CPED1: variants seen among roughly 807,000 people sequenced by gnomAD.
CPED1 encodes the protein cadherin-like and PC-esterase domain-containing protein 1.
Under a neutral mutation model 128.2 loss-of-function variants are expected in CPED1, and 114 were observed. The observed-to-expected ratio is 0.89, with a 90% CI of 0.76 to 1.04. The LOEUF is 1.04. Among genes scored for constraint, CPED1 ranks in the 50% least tolerant of loss-of-function variants. The probability of loss-of-function intolerance (pLI) is 0.00; values close to 1 mark genes in which losing one functional copy is unlikely to be tolerated. For missense variants in CPED1, 1,211 were observed against 1,207.1 expected (o/e 1.00, Z -0.05); for synonymous variants, 462 against 426.7 (o/e 1.08, Z -1.02).
intron 16 of CPED1, among the ~76,000 whole-genome samples, chr7:121,192,535 C>T (rs1026701159): frequency 6.6e-6 from 1 of 152,082 alleles, no homozygotes; most frequent in Non-Finnish European, 1.5e-5. Flanking sequence ...GGACATCCCT[C>T]GAGTACCAGA....
At chr7:121,184,470 A>C (rs1398435241) in intron 16 of CPED1, among the ~76,000 whole-genome samples, 1 of 152,184 alleles carries the variant, frequency 6.6e-6, no homozygotes, top group Non-Finnish European at 1.5e-5. Context: ...ACCTATCAAA[A>C]GCCATGTAGT....
intron 5 of CPED1, among the ~76,000 whole-genome samples, chr7:121,079,020 CTG>C (rs1187929248): frequency 1.3e-5 from 2 of 152,162 alleles, no homozygotes; most frequent in Non-Finnish European, 2.9e-5. Context: ...AAGCCTATGT[CTG>C]TGTCCTGTTC....
chr7:121,005,123 T>G (rs1791974587), intron 2 of CPED1, among the ~76,000 whole-genome samples: 1 of 152,192 alleles, frequency 6.6e-6, no homozygotes, highest in African/African-American at 2.4e-5. Context: ...ATGATTAAAT[T>G]TTAAAGGCTT....
chr7:121,128,419 C>A lies in CPED1; in HGVS notation c.1340C>A (p.Ser447Tyr). 5.0e-6 allele frequency: 8 copies of A among 1,602,492 alleles called. No homozygotes were observed. Among genetic ancestry groups the A allele is most frequent in the Non-Finnish European group, 6.8e-6 (8 of 1,169,726 alleles). ...CAAAAGGAACTAAATCAGTGTCTGTCCTTAGAAGAAATTAACTCAATTATG... is the reference window on the plus strand; with the variant it reads ...CAAAAGGAACTAAATCAGTGTCTGTACTTAGAAGAAATTAACTCAATTATG... ...NYQKELNQCLSLEEINSIMTF... is the reference protein window; with the variant it reads ...NYQKELNQCLYLEEINSIMTF... Residue 447 changes from serine to tyrosine, a missense_variant, in exon 11 of 23, where the codon TCC (serine) becomes TAC (tyrosine). Physicochemically the swap from Ser to Tyr is moderately radical, Grantham distance 144 (BLOSUM62 -2). Coordinates refer to ENST00000310396, the MANE Select transcript of CPED1 (RefSeq NM_024913.5).
At chr7:121,213,843 G>A (rs545178779) in intron 16 of CPED1, among the ~76,000 whole-genome samples, 4 of 152,040 alleles carry the variant, frequency 2.6e-5, no homozygotes, top group African/African-American at 4.8e-5. Context: ...GGTACATTTA[G>A]CATTCCTAAG....
Position 121,242,829 on chromosome 7 carries a change from C to T in CPED1, c.2174-1373C>T, listed in dbSNP as rs146983898. On this transcript the variant is annotated intron_variant, in intron 17 of 22. Coordinates refer to ENST00000310396, the MANE Select transcript of CPED1 (RefSeq NM_024913.5). ...TCCTTTCCCTCCGATTTTCTTTTAT[C>T]TCTTCCAGTTTCTCTCTCTTAATAT... is the stretch of plus-strand genomic sequence containing the variant. Among the ~76,000 whole-genome samples the T allele has an allele frequency of 2.5e-3, 374 of 152,080 alleles. 4 individuals are homozygous for T. Among genetic ancestry groups the T allele is most frequent in the African/African-American group, 8.6e-3 (358 of 41,510 alleles).
chr7:121,099,889 A>C, intron 6 of CPED1, 37 bp from the exon 7 acceptor site: 1 of 1,583,552 alleles, frequency 6.3e-7, no homozygotes, highest in Middle Eastern at 1.7e-4. Context: ...TCAACCCTAC[A>C]TTATGGAGCG....
At chr7:121,047,668 T>TTCC (rs1793236767) in intron 4 of CPED1, among the ~76,000 whole-genome samples, 1 of 13,712 alleles carries the variant, frequency 7.3e-5, no homozygotes, top group African/African-American at 1.7e-4. Context: ...CTTCTTCTTC[T>TTCC]TCTTCTTCTT....
intron 9 of CPED1, 28 bp downstream of exon 9, chr7:121,125,920 C>T (rs773109358): frequency 9.6e-6 from 14 of 1,459,606 alleles, no homozygotes; most frequent in South Asian, 6.8e-5. Flanking sequence ...CTCATGTGAG[C>T]TTCTACCTTG....
chr7:120,995,793 TGAGGTCTGCCACTGAGCGACATGGC>T (rs1422570245), intron 2 of CPED1, among the ~76,000 whole-genome samples: 1 of 152,114 alleles, frequency 6.6e-6, no homozygotes, highest in Non-Finnish European at 1.5e-5. Context: ...TTACCAAATC[TGAGGTCTGCCACTGAGCGACATGGC>T]GAGCTCCAAA....
chr7:121,256,257 A>G (rs1040822387), intron 18 of CPED1, among the ~76,000 whole-genome samples: 2 of 152,122 alleles, frequency 1.3e-5, no homozygotes, highest in Non-Finnish European at 2.9e-5. Context: ...GGAACAGAAT[A>G]GAAAACTCAG....
chr7:121,182,993 T>C (rs1046613975), intron 16 of CPED1, among the ~76,000 whole-genome samples: 2 of 151,970 alleles, frequency 1.3e-5, no homozygotes, highest in African/African-American at 4.8e-5. Context: ...TCTTTGTCTT[T>C]TCAAAGAAAA....
chr7:121,229,747 T>G (rs1274582434), intron 16 of CPED1, among the ~76,000 whole-genome samples: 1 of 152,098 alleles, frequency 6.6e-6, no homozygotes, highest in Non-Finnish European at 1.5e-5. Context: ...CATCTTATAC[T>G]AAGTACATCT....
At chr7:121,194,126 C>A (rs1322739410) in intron 16 of CPED1, among the ~76,000 whole-genome samples, 1 of 143,956 alleles carries the variant, frequency 6.9e-6, no homozygotes, top group Non-Finnish European at 1.5e-5. Flanking sequence ...CGGCTTACTG[C>A]AACCTCTGCC....
chr7:121,047,881 A>C (rs527706801), intron 4 of CPED1, among the ~76,000 whole-genome samples: 86 of 151,304 alleles, frequency 5.7e-4, no homozygotes, highest in Non-Finnish European at 1.1e-3. Flanking sequence ...ATTTTTTTGC[A>C]TTTTTTAGTG....
At position 121,261,803 on chromosome 7, in the gene CPED1, A is replaced by G; in HGVS notation, c.2311-4424A>G. 8 of 1,409,510 alleles carry G rather than the reference A, an allele frequency of 5.7e-6. No individual in the cohort carries two copies. The South Asian group carries it at 1.0e-4, about 18-fold the overall frequency. 87.3% of individuals were successfully genotyped at this position (1,409,510 alleles called of 1,614,324 possible). ...ACTTTAATTGGGTTTGACCTATTCCAAGTTTTTTGGGCTATCTGTTACAGT... is the reference window on the plus strand; with the variant it reads ...ACTTTAATTGGGTTTGACCTATTCCGAGTTTTTTGGGCTATCTGTTACAGT... On this transcript the variant is annotated intron_variant, in intron 18 of 22. Coordinates refer to ENST00000310396, the MANE Select transcript of CPED1 (RefSeq NM_024913.5).
chr7:121,007,235 T>TTC (rs1168239764), intron 2 of CPED1, among the ~76,000 whole-genome samples: 3 of 149,500 alleles, frequency 2.0e-5, no homozygotes, highest in Non-Finnish European at 4.5e-5. Flanking sequence ...GGTTGCATTT[T>TTC]TTTTTTTTTT....
At chr7:121,269,074 A>G (rs1163195626) in intron 21 of CPED1, among the ~76,000 whole-genome samples, 1 of 152,018 alleles carries the variant, frequency 6.6e-6, no homozygotes, top group Non-Finnish European at 1.5e-5. Context: ...CTCAGCACAT[A>G]GAAGACCCTC....
chr7:121,247,863 C>T (rs753235848), intron 18 of CPED1, among the ~76,000 whole-genome samples: 5 of 152,178 alleles, frequency 3.3e-5, no homozygotes, highest in Non-Finnish European at 7.3e-5. Context: ...TATCCCCAGC[C>T]TACTGCTTAG....
Sources: allele counts gnomAD v4.1 joint callset (sites outside exome capture counted in the v4.1 genomes callset), GRCh38; gene constraint gnomAD v4.1.1; transcripts MANE v1.5; gene names NCBI Gene and HGNC (gene_info 2026-07-23, HGNC 2026-07-21).